The following PALM2AKAP2 variants were observed in gnomAD, a reference collection of about 807,000 sequenced individuals.
PALM2AKAP2 encodes the protein PALM2 and AKAP2 fusion.
Under a neutral mutation model 71.5 loss-of-function variants are expected in PALM2AKAP2, and 37 were observed. The ratio of observed to expected loss-of-function variants is 0.52; its 90% confidence interval spans 0.40 to 0.68. The LOEUF (loss-of-function observed/expected upper bound fraction) is 0.68. Among genes scored for constraint, PALM2AKAP2 ranks in the 30% least tolerant of loss-of-function variants. The pLI is 0.00. For synonymous variants in PALM2AKAP2, 468 were observed against 478.8 expected, an observed-to-expected ratio of 0.98 and a Z score of 0.29; for missense variants, 1,224 against 1,191.8, an observed-to-expected ratio of 1.03 and a Z score of -0.40.
intron 3 of PALM2AKAP2, among the ~76,000 whole-genome samples, chr9:109,886,312 C>T (rs1459208380): frequency 4.6e-5 from 7 of 152,118 alleles, no homozygotes; most frequent in African/African-American, 1.7e-4. Context: ...GTAGGTAGTT[C>T]GAGCCACACT....
chr9:109,908,726 A>G (rs1802375002), intron 3 of PALM2AKAP2, among the ~76,000 whole-genome samples: 1 of 152,066 alleles, frequency 6.6e-6, no homozygotes, highest in Admixed American at 6.5e-5. Context: ...AACCTCCAAT[A>G]TGGACAACAG....
intron 1 of PALM2AKAP2, among the ~76,000 whole-genome samples, chr9:109,761,788 G>A (rs1428216090): frequency 6.6e-6 from 1 of 152,126 alleles, no homozygotes; most frequent in Non-Finnish European, 1.5e-5. Context: ...GGGCATTTTT[G>A]TTGGTTCCAA....
At chr9:109,879,151 G>A (rs1029755071) in intron 2 of PALM2AKAP2, among the ~76,000 whole-genome samples, 1 of 152,200 alleles carries the variant, frequency 6.6e-6, no homozygotes, top group African/African-American at 2.4e-5. Context: ...TTCAGGGAGT[G>A]CTCCAAGCCT....
chr9:109,674,908 A>G (rs1202326615), intron 1 of PALM2AKAP2, among the ~76,000 whole-genome samples: 1 of 152,088 alleles, frequency 6.6e-6, no homozygotes, highest in African/African-American at 2.4e-5. Flanking sequence ...GTTCAAAAGC[A>G]ATACTCTTTC....
At chr9:109,680,895 T>C (rs1051485380) in intron 1 of PALM2AKAP2, among the ~76,000 whole-genome samples, 1 of 152,176 alleles carries the variant, frequency 6.6e-6, no homozygotes, top group Non-Finnish European at 1.5e-5. Flanking sequence ...AAAGTAAATA[T>C]ATAATTTTTT....
chr9:110,041,646 C>T (rs968921837), intron 7 of PALM2AKAP2, among the ~76,000 whole-genome samples: 5 of 152,098 alleles, frequency 3.3e-5, no homozygotes, highest in African/African-American at 9.7e-5. Flanking sequence ...AGCCAGAGAC[C>T]CTGGAGAGGA....
chr9:110,107,979 G>GT (rs199947139), intron 1 of PALM2AKAP2, among the ~76,000 whole-genome samples: 1,523 of 151,910 alleles, frequency 0.01, 22 homozygotes, highest in African/African-American at 0.035. Context: ...AGTGAAATAA[G>GT]TTTATTTTTT....
chr9:109,962,816 T>C (rs1831877627), intron 6 of PALM2AKAP2, among the ~76,000 whole-genome samples: 2 of 152,198 alleles, frequency 1.3e-5, no homozygotes, highest in Non-Finnish European at 2.9e-5. Context: ...CCAACTTTTG[T>C]ATTTTTAGTA....
intron 1 of PALM2AKAP2, among the ~76,000 whole-genome samples, chr9:109,713,585 C>T (rs546264148): frequency 1.4e-4 from 22 of 152,162 alleles, no homozygotes; most frequent in Middle Eastern, 3.4e-3. Flanking sequence ...TTATTATTAC[C>T]TTGTTGAAAA....
At chr9:110,053,898 T>C (rs1833771388) in intron 1 of PALM2AKAP2, among the ~76,000 whole-genome samples, 1 of 152,228 alleles carries the variant, frequency 6.6e-6, no homozygotes, top group East Asian at 1.9e-4. Flanking sequence ...TGAACCCTTC[T>C]TTTTTCTTAG....
At chr9:109,642,105 A>G (rs1827078889) in intron 1 of PALM2AKAP2, among the ~76,000 whole-genome samples, 1 of 152,150 alleles carries the variant, frequency 6.6e-6, no homozygotes, top group African/African-American at 2.4e-5. Flanking sequence ...GGATCATGTA[A>G]TATCTGTATC....
chr9:109,712,076 C>T (rs746474747), intron 1 of PALM2AKAP2, among the ~76,000 whole-genome samples: 2 of 151,712 alleles, frequency 1.3e-5, no homozygotes, highest in African/African-American at 4.8e-5. Context: ...CTTGGCTGTG[C>T]CTTTTGAACT....
chr9:110,119,255 T>A (rs577539232), intron 1 of PALM2AKAP2, among the ~76,000 whole-genome samples: 2 of 150,130 alleles, frequency 1.3e-5, no homozygotes, highest in Admixed American at 1.3e-4. Flanking sequence ...AAGCAGGAGA[T>A]TTGCTTGAAC....
chr9:110,168,856 G>T, exon 4 of PALM2AKAP2: 1 of 215,466 alleles, frequency 4.6e-6, no homozygotes, highest in Non-Finnish European at 9.3e-6. Context: ...GGACAATGGT[G>T]GTAGGGCCAC....
At chr9:109,982,275 A>G (rs1259256350) in intron 6 of PALM2AKAP2, among the ~76,000 whole-genome samples, 2 of 152,174 alleles carry the variant, frequency 1.3e-5, no homozygotes, top group Non-Finnish European at 2.9e-5. Flanking sequence ...GGACATAGAG[A>G]GTAGAAGGAT....
At chr9:110,033,063 AC>A (rs1333288606) in intron 7 of PALM2AKAP2, among the ~76,000 whole-genome samples, 2 of 152,186 alleles carry the variant, frequency 1.3e-5, no homozygotes, top group African/African-American at 4.8e-5. Context: ...TGGAGACAAA[AC>A]CTTATTTAAG....
chr9:109,736,132 C>T lies in PALM2AKAP2; in HGVS notation c.6-44356C>T, dbSNP rs561401622. Among the ~76,000 whole-genome samples the T allele has an allele frequency of 7.9e-5, 12 of 152,172 alleles. No individual in the cohort carries two copies. In the South Asian group the frequency reaches 1.9e-3, roughly 24 times the overall value. On this transcript the variant is annotated intron_variant, in intron 1 of 6. Transcript: ENST00000374531. ...GGATCAGACTTCTTCACAGGCACAACGACGGTTAAAATCCCCTGTGTTTTT... is the reference window on the plus strand; with the variant it reads ...GGATCAGACTTCTTCACAGGCACAATGACGGTTAAAATCCCCTGTGTTTTT...
intron 6 of PALM2AKAP2, among the ~76,000 whole-genome samples, chr9:109,973,619 G>A (rs758730566): frequency 1.3e-5 from 2 of 152,340 alleles, no homozygotes; most frequent in Middle Eastern, 3.4e-3. Flanking sequence ...GACAATGAGT[G>A]AGGATATATA....
intron 7 of PALM2AKAP2, 126 bp downstream of exon 7, chr9:110,016,165 C>T: frequency 1.1e-6 from 1 of 905,398 alleles, no homozygotes; most frequent in Non-Finnish European, 1.7e-6. Context: ...TCTCTACTCA[C>T]TGAGGTCTTA....
Sources: allele counts gnomAD v4.1 joint callset (sites outside exome capture counted in the v4.1 genomes callset), GRCh38; gene constraint gnomAD v4.1.1; transcripts MANE v1.5; gene names NCBI Gene and HGNC (gene_info 2026-07-23, HGNC 2026-07-21).